LSG1: variants seen among roughly 807,000 people sequenced by gnomAD.
LSG1 encodes the protein large subunit GTPase 1 homolog.
Under a neutral mutation model 82.6 loss-of-function variants are expected in LSG1, and 55 were observed. That is an observed-to-expected ratio of 0.67 (90% CI 0.54 to 0.83). The LOEUF is 0.83. LSG1 is among the 40% of genes least tolerant of loss of function. The pLI is 0.00. For synonymous variants in LSG1, 272 were observed against 282.5 expected, an observed-to-expected ratio of 0.96 and a Z score of 0.37; for missense variants, 809 against 807.9, an observed-to-expected ratio of 1.00 and a Z score of -0.02.
At chr3:194,669,984 C>A (rs1675926) in intron 2 of LSG1, 25 bp downstream of exon 2, 1,209,223 of 1,610,166 alleles carry the variant, frequency 0.75, 456,266 homozygotes, top group East Asian at 0.92. Context: ...ACAGTCTCAC[C>A]TGCACTCAGC....
In LSG1 at chr3:194,641,896, G is replaced by A; in HGVS notation, c.*172C>T. Reference sequence around the variant, plus strand: ...ATGACTCCTTTTTGTCAGAGTTGGTGTTTCCAGGAGGCCCTTGGTCTTGAC... The same window carrying A: ...ATGACTCCTTTTTGTCAGAGTTGGTATTTCCAGGAGGCCCTTGGTCTTGAC... On this transcript the variant is annotated 3_prime_UTR_variant, in exon 14 of 14. Coordinates refer to ENST00000265245, the MANE Select transcript of LSG1 (RefSeq NM_018385.3). 3.3e-6 allele frequency: 2 copies of A among 605,476 alleles called. No homozygotes were observed. Among genetic ancestry groups the A allele is most frequent in the Non-Finnish European group, 5.5e-6 (2 of 366,034 alleles). The allele number at this position is 605,476 out of a possible 1,614,324, so 37.5% of individuals were successfully genotyped here. A position where few individuals can be genotyped will look rare whatever the true frequency, so the allele number is the denominator to read the frequency against.
intron 5 of LSG1, among the ~76,000 whole-genome samples, chr3:194,663,261 G>C (rs1375996274): frequency 6.6e-6 from 1 of 152,188 alleles, no homozygotes; most frequent in Non-Finnish European, 1.5e-5. Context: ...CTCCACAGCA[G>C]TTCCCCAGTT....
intron 5 of LSG1, chr3:194,660,912 T>C (rs1164924156): frequency 2.2e-6 from 1 of 456,424 alleles, no homozygotes. Flanking sequence ...AAAATTCCCT[T>C]CTATGGGAGG....
At chr3:194,669,516 A>G (rs1719100632) in intron 2 of LSG1, among the ~76,000 whole-genome samples, 1 of 152,164 alleles carries the variant, frequency 6.6e-6, no homozygotes, top group Admixed American at 6.5e-5. Flanking sequence ...CCCCTGCACC[A>G]GCAAAGCCAA....
chr3:194,660,636 T>C (rs1294227557), intron 5 of LSG1: 1 of 316,738 alleles, frequency 3.2e-6, no homozygotes, highest in Non-Finnish European at 6.3e-6. Flanking sequence ...GTATCTTATT[T>C]AAACCCAGGA....
rs376324089 is a variant in LSG1 at position 194,646,157 on chromosome 3, C to T, written c.1623+7G>A. 2 of 1,613,290 alleles carry T rather than the reference C, an allele frequency of 1.2e-6. No homozygotes were observed. Among genetic ancestry groups the T allele is most frequent in the Non-Finnish European group, 1.7e-6 (2 of 1,179,458 alleles). On this transcript the variant is annotated splice_region_variant and intron_variant, in intron 12 of 13. Transcript: ENST00000265245. ...ATTGGAGAGCATGAGAGGCAGGGTTCACTTACACTGACATAGTCCTTCAGG... is the reference window on the plus strand; with the variant it reads ...ATTGGAGAGCATGAGAGGCAGGGTTTACTTACACTGACATAGTCCTTCAGG...
Position 194,665,565 on chromosome 3 carries a change from A to G in LSG1, c.513T>C (p.Ile171=), listed in dbSNP as rs1259084846. The G allele has an allele frequency of 6.2e-7, 1 of 1,608,136 alleles. No homozygotes were observed. The highest frequency in any genetic ancestry group is 8.5e-7 in the Non-Finnish European group (1 of 1,177,498). ...LDFWRQLWRV[I]ERSDIVVQIV... ...AGAAAATGATAATTCACCTTCTCTC[A>G]ATGACTCTCCAGAGCTGGCGCCAAA... Residue 171 remains isoleucine (I), a synonymous_variant, in exon 5 of 14, where the codon ATT becomes ATC. Transcript: ENST00000265245.
At chr3:194,654,619 C>T (rs1718755190) in intron 7 of LSG1, among the ~76,000 whole-genome samples, 1 of 152,144 alleles carries the variant, frequency 6.6e-6, no homozygotes, top group Non-Finnish European at 1.5e-5. Context: ...TCAGTGTCGT[C>T]ACTGTGGGCT....
Position 194,641,348 on chromosome 3 carries a change from T to C in LSG1, c.*720A>G, listed in dbSNP as rs1464473224. 1.3e-5 allele frequency: 2 copies of C among 152,150 alleles called. No homozygotes were observed. The highest frequency in any genetic ancestry group is 4.8e-5 in the African/African-American group (2 of 41,420). The allele number at this position is 152,150 out of a possible 1,614,324, so 9.4% of individuals were successfully genotyped here. A position where few individuals can be genotyped will look rare whatever the true frequency, so the allele number is the denominator to read the frequency against. ...CCTCCCATCCCGAAGCAACCACTAA[T>C]CTACTTCCTCTATATGGAGATTTGC... is the stretch of plus-strand genomic sequence containing the variant. On this transcript the variant is annotated 3_prime_UTR_variant, in exon 14 of 14. Coordinates refer to ENST00000265245, the MANE Select transcript of LSG1 (RefSeq NM_018385.3).
Position 194,666,534 on chromosome 3 carries a change from T to C in LSG1, c.265A>G (p.Thr89Ala), listed in dbSNP as rs1719034226. Residue 89 changes from threonine to alanine, a missense_variant, in exon 3 of 14, where the codon ACT becomes GCT. Transcript: ENST00000265245. ...NIKFVPAEARTGLLSFEESQR... is the reference protein window; with the variant it reads ...NIKFVPAEARAGLLSFEESQR... The stretch of plus-strand genomic sequence containing the variant: ...CTCTCCTCGAAAGACAGTAGTCCAG[T>C]TCTAGCCTCAGCAGGCACAAACTTA... The C allele has an allele frequency of 1.2e-6, 2 of 1,613,230 alleles. No homozygotes were observed. The highest frequency in any genetic ancestry group is 1.7e-5 in the Admixed American group (1 of 59,806).
At chr3:194,660,820 T>C (rs1430183671) in intron 5 of LSG1, 3 of 456,240 alleles carry the variant, frequency 6.6e-6, no homozygotes, top group Non-Finnish European at 1.3e-5. Context: ...ATAAGATAAC[T>C]TTCTGCAGCT....
At position 194,648,715 on chromosome 3, in the gene LSG1, A is replaced by C; in HGVS notation, c.1509T>G (p.Pro503=). The C allele has an allele frequency of 1.2e-6, 2 of 1,614,078 alleles. No homozygotes were observed. The highest frequency in any genetic ancestry group is 8.5e-7 in the Non-Finnish European group (1 of 1,179,998). ...TPREDEDPHR[P]PTSEELLTAY... Reference sequence around the variant, plus strand: ...CTGTCAACAGTTCTTCCGATGTTGGAGGTCGGTGGGGATCTTCATCCTCTC... The same window carrying C: ...CTGTCAACAGTTCTTCCGATGTTGGCGGTCGGTGGGGATCTTCATCCTCTC... The change falls in exon 11 of 14, where the codon CCT becomes CCG. Residue 503 remains proline, a synonymous_variant. Transcript: ENST00000265245.
intron 2 of LSG1, among the ~76,000 whole-genome samples, chr3:194,667,310 C>T (rs973887182): frequency 7.2e-5 from 11 of 152,216 alleles, no homozygotes; most frequent in Middle Eastern, 3.4e-3. Context: ...CTCGGCCTCC[C>T]AAAGTGCTGG....
intron 8 of LSG1, among the ~76,000 whole-genome samples, chr3:194,651,999 AG>A (rs1325826617): frequency 2.0e-5 from 3 of 152,138 alleles, no homozygotes; most frequent in African/African-American, 7.2e-5. Context: ...GGCAGAGAGA[AG>A]GGGGCTCAAA....
chr3:194,666,125 A>T, intron 4 of LSG1, 78 bp downstream of exon 4: 2 of 1,248,272 alleles, frequency 1.6e-6, no homozygotes, highest in Non-Finnish European at 2.3e-6. Context: ...ACTTCAAAAC[A>T]CAAATGGCTG....
chr3:194,656,580 G>T (rs1390035461), intron 7 of LSG1, among the ~76,000 whole-genome samples: 1 of 151,552 alleles, frequency 6.6e-6, no homozygotes, highest in African/African-American at 2.4e-5. Context: ...CCTTGTGGAA[G>T]TCAGTGTGGC....
At position 194,651,017 on chromosome 3, in the gene LSG1, TAG is replaced by T; in HGVS notation, c.1281_1282del (p.Tyr428CysfsTer9). ...ACACAGGCAGAGGCCAGGCTCCACATAGAGAGTCTGGAAGACAAGCAAGAGGT... is the reference window on the plus strand; with the variant it reads ...ACACAGGCAGAGGCCAGGCTCCACATAGAGTCTGGAAGACAAGCAAGAGGT... On this transcript the variant is annotated frameshift_variant, in exon 10 of 14. Transcript: ENST00000265245. LOFTEE classifies it high-confidence loss of function. The T allele has an allele frequency of 6.2e-7, 1 of 1,613,908 alleles. No homozygotes were observed. Among genetic ancestry groups the T allele is most frequent in the South Asian group, 1.1e-5 (1 of 91,058 alleles).
At position 194,660,128 on chromosome 3, in the gene LSG1, A is replaced by G. The variant is rs770633424; in HGVS notation, c.527T>C (p.Ile176Thr). Residue 176 changes from isoleucine to threonine, a missense_variant, in exon 6 of 14, where the codon ATT (isoleucine) becomes ACT (threonine). Physicochemically the swap from Ile to Thr is moderately conservative, Grantham distance 89. Transcript: ENST00000265245. ...TCGAGCATCTACTATCTGGACCACA[A>G]TATCACTGAAAAACAAACACGAGAT... The part of the protein sequence containing the change: ...QLWRVIERSD[I>T]VVQIVDARNP... The G allele has an allele frequency of 1.9e-6, 3 of 1,613,886 alleles. No homozygotes were observed. In the Admixed American group the frequency reaches 5.0e-5, roughly 27 times the overall value.
At position 194,650,984 on chromosome 3, in the gene LSG1, G is replaced by A. The variant is rs1216176653; in HGVS notation, c.1316C>T (p.Pro439Leu). The A allele has an allele frequency of 6.8e-6, 11 of 1,614,082 alleles. No individual in the cohort carries two copies. The highest frequency in any genetic ancestry group is 2.2e-5 in the East Asian group (1 of 44,898). ...CACAAAAGATGGCATCACCAAGCCA[G>A]GACAGTCACACAGGCAGAGGCCAGG... ...VEPGLCLCDCPGLVMPSFVST... is the reference protein window; with the variant it reads ...VEPGLCLCDCLGLVMPSFVST... The change falls in exon 10 of 14, where the codon CCT becomes CTT. Residue 439 changes from proline (P) to leucine (L), a missense_variant. Transcript: ENST00000265245.
Sources: gnomAD v4.1 joint callset for allele counts (sites outside exome capture counted in the v4.1 genomes callset) on GRCh38, gnomAD v4.1.1 for gene constraint, MANE v1.5 for transcripts, NCBI Gene and HGNC (gene_info 2026-07-23, HGNC 2026-07-21) for gene names.